The following KIF1B variants were observed in gnomAD, a reference collection of about 807,000 sequenced individuals.
The protein encoded by KIF1B is kinesin family member 1B, also known as kinesin-like protein KIF1B.
A neutral mutation model predicts 241.9 loss-of-function variants in KIF1B; 76 were observed. The observed-to-expected ratio is 0.31, with a 90% CI of 0.26 to 0.38. The LOEUF (loss-of-function observed/expected upper bound fraction) is 0.38, where lower values mean the gene tolerates loss of function less well. KIF1B is among the 10% of genes least tolerant of loss of function. KIF1B has a pLI of 1.00. For synonymous variants in KIF1B, 750 were observed against 796.7 expected (o/e 0.94, Z 0.99); for missense variants, 1,622 against 2,271.4 (o/e 0.71, Z 5.81).
chr1:10,228,827 A>G (rs1050030527), intron 1 of KIF1B, among the ~76,000 whole-genome samples: 1 of 152,208 alleles, frequency 6.6e-6, no homozygotes, highest in East Asian at 1.9e-4. Flanking sequence ...AAGCAACTTT[A>G]TATCTTAGAA....
intron 1 of KIF1B, among the ~76,000 whole-genome samples, chr1:10,211,383 C>G (rs1380928842): frequency 1.3e-5 from 2 of 152,150 alleles, no homozygotes; most frequent in African/African-American, 4.8e-5. Context: ...GGCTCGAGGC[C>G]TGGAAAGAGG....
In KIF1B at chr1:10,365,344, A is replaced by G; in HGVS notation, c.4513-65A>G. On this transcript the variant is annotated intron_variant, in intron 42 of 48. Transcript: ENST00000676179. The surrounding 1 kb of genome is among the most constrained non-coding windows in gnomAD (Gnocchi z 4.0). ...CTGCTGCATGTGATCATAGCTTTTC[A>G]CTTTTCTCTCCTGAGGTCTTAACGA... is the stretch of plus-strand genomic sequence containing the variant. 2 of 1,613,892 alleles carry G rather than the reference A, an allele frequency of 1.2e-6. No individual in the cohort carries two copies. Among genetic ancestry groups the G allele is most frequent in the Non-Finnish European group, 1.7e-6 (2 of 1,179,912 alleles).
chr1:10,291,203 G>A (rs751751877), intron 16 of KIF1B, 42 bp downstream of exon 16: 2 of 1,269,178 alleles, frequency 1.6e-6, no homozygotes, highest in Non-Finnish European at 2.3e-6. Flanking sequence ...AGTTTTCTAG[G>A]GGATGTGGAT....
At position 10,378,834 on chromosome 1, in the gene KIF1B, G is replaced by A. The variant is rs1002076; in HGVS notation, c.*2247G>A. ...AGGAAAGGATAGAATCACAGGCTGC[G>A]TCTGCACCTGAAAAGTGACCCGCGG... On this transcript the variant is annotated 3_prime_UTR_variant, in exon 49 of 49. Transcript: ENST00000676179. 0.33 allele frequency: 78,404 copies of A among 239,954 alleles called. 12,986 individuals are homozygous for A. The highest frequency in any genetic ancestry group is 0.37 in the Admixed American group (6,768 of 18,500). 14.9% of individuals were successfully genotyped at this position (239,954 alleles called of 1,614,324 possible).
chr1:10,291,243 A>C (rs1336237481), intron 16 of KIF1B, 82 bp downstream of exon 16: 5 of 1,037,058 alleles, frequency 4.8e-6, no homozygotes, highest in Non-Finnish European at 7.2e-6. Context: ...ATAAAATATA[A>C]ATTAAAATCA....
chr1:10,273,488 T>C (rs1475796056), intron 10 of KIF1B, among the ~76,000 whole-genome samples: 1 of 152,068 alleles, frequency 6.6e-6, no homozygotes, highest in Non-Finnish European at 1.5e-5. Context: ...AAGGATTACA[T>C]AGTGGAGTGA....
At chr1:10,341,291 A>G (rs1174297841) in intron 32 of KIF1B, among the ~76,000 whole-genome samples, 2 of 152,206 alleles carry the variant, frequency 1.3e-5, no homozygotes, top group African/African-American at 4.8e-5. Flanking sequence ...TGGGTGGAGA[A>G]AGGGGATAGG....
At chr1:10,287,451 G>T (rs1477413310) in intron 15 of KIF1B, among the ~76,000 whole-genome samples, 1 of 152,100 alleles carries the variant, frequency 6.6e-6, no homozygotes, top group Admixed American at 6.5e-5. Flanking sequence ...CTTATCTCGT[G>T]AATGGTTCCA....
At chr1:10,274,074 T>C (rs1463091472) in intron 10 of KIF1B, among the ~76,000 whole-genome samples, 1 of 151,436 alleles carries the variant, frequency 6.6e-6, no homozygotes, top group Non-Finnish European at 1.5e-5. Flanking sequence ...GTAGCTGAGA[T>C]TACAGGTGCC....
At chr1:10,272,138 TAAAG>T (rs1014242447) in intron 8 of KIF1B, 99 bp from the exon 9 acceptor site, 8 of 822,220 alleles carry the variant, frequency 9.7e-6, no homozygotes, top group African/African-American at 1.7e-5. Context: ...GAACTTGTAA[TAAAG>T]AAATATGCTA....
chr1:10,338,115 C>T (rs1652250525), intron 31 of KIF1B, among the ~76,000 whole-genome samples: 1 of 152,008 alleles, frequency 6.6e-6, no homozygotes, highest in African/African-American at 2.4e-5. Context: ...TTTTGTGAAT[C>T]TTCAGTTTTA....
Position 10,267,523 on chromosome 1 carries a change from C to T in KIF1B, c.573C>T (p.Asp191=). 1.9e-6 allele frequency: 3 copies of T among 1,614,182 alleles called. No homozygotes were observed. Among genetic ancestry groups the T allele is most frequent in the South Asian group, 1.1e-5 (1 of 91,088 alleles). The change falls in exon 6 of 49, where the codon GAC becomes GAT. Residue 191 remains aspartate (D), a synonymous_variant. Transcript: ENST00000676179. ...AGTTGGCAGTTACTTCCTACACAGA[C>T]ATTGCTGACCTCATGGATGCTGGGA... The part of the protein sequence containing the change: ...LSKLAVTSYT[D]IADLMDAGNK...
intron 22 of KIF1B, chr1:10,305,672 T>C: frequency 9.5e-7 from 1 of 1,057,560 alleles, no homozygotes; most frequent in Non-Finnish European, 1.1e-6. Context: ...GCATTAGTAA[T>C]GCTTGTAGAC....
At chr1:10,252,491 G>T (rs1647515001) in intron 2 of KIF1B, among the ~76,000 whole-genome samples, 1 of 151,832 alleles carries the variant, frequency 6.6e-6, no homozygotes, top group Non-Finnish European at 1.5e-5. Flanking sequence ...GCTAACTGCA[G>T]CCTGGACCTC....
chr1:10,240,710 A>G (rs1173209115), intron 2 of KIF1B, among the ~76,000 whole-genome samples: 2 of 141,992 alleles, frequency 1.4e-5, no homozygotes, highest in South Asian at 4.5e-4. Context: ...TTAAGAATTT[A>G]TGGGTAGTTC....
intron 1 of KIF1B, among the ~76,000 whole-genome samples, chr1:10,227,543 A>G (rs1457167695): frequency 6.6e-6 from 1 of 152,106 alleles, no homozygotes; most frequent in African/African-American, 2.4e-5. Flanking sequence ...GGTTTTTTAA[A>G]CAGTTTTCAT....
In KIF1B at chr1:10,317,779, C is replaced by T. The variant is rs551964202; in HGVS notation, c.2116-2264C>T. Among the ~76,000 whole-genome samples, 61 of 149,738 alleles carry T rather than the reference C, an allele frequency of 4.1e-4. 2 individuals carry two copies. The highest frequency in any genetic ancestry group is 1.3e-3 in the South Asian group (6 of 4,758). On this transcript the variant is annotated intron_variant, in intron 22 of 48. Transcript: ENST00000676179. Reference sequence around the variant, plus strand: ...CTGGGAGGCAGAGGTTGTGGTGAGCCGAGATCGCATCACTGCACTCCAACC... The same window carrying T: ...CTGGGAGGCAGAGGTTGTGGTGAGCTGAGATCGCATCACTGCACTCCAACC...
At chr1:10,351,445 A>G (rs1652789976) in intron 37 of KIF1B, among the ~76,000 whole-genome samples, 1 of 152,196 alleles carries the variant, frequency 6.6e-6, no homozygotes, top group Admixed American at 6.5e-5. Flanking sequence ...AGTTTGTTTA[A>G]TCCTCATAGC....
chr1:10,271,358 G>C, intron 7 of KIF1B, 144 bp from the exon 8 acceptor site: 1 of 730,942 alleles, frequency 1.4e-6, no homozygotes, highest in Non-Finnish European at 2.5e-6. Flanking sequence ...ATGTTGTCTT[G>C]ATCTTTTTGT....
Sources: gnomAD v4.1 joint callset for allele counts (sites outside exome capture counted in the v4.1 genomes callset) on GRCh38, gnomAD v4.1.1 for gene constraint, Gnocchi (gnomAD v3.1) non-coding constraint, MANE v1.5 for transcripts, NCBI Gene and HGNC (gene_info 2026-07-23, HGNC 2026-07-21) for gene names.